CLN3: variants seen among roughly 807,000 people sequenced by gnomAD.
CLN3 encodes battenin.
In CLN3, 49 loss-of-function variants were observed where a neutral mutation model predicts 60.7. The observed-to-expected ratio is 0.81, with a 90% CI of 0.64 to 1.02. CLN3 has a LOEUF of 1.02. Among genes scored for constraint, CLN3 ranks in the 50% least tolerant of loss-of-function variants. CLN3 has a pLI of 0.00. For missense variants in CLN3, 516 were observed against 557.4 expected, an observed-to-expected ratio of 0.93 and a Z score of 0.75; for synonymous variants, 256 against 245.8, an observed-to-expected ratio of 1.04 and a Z score of -0.39.
chr16:28,484,233 G>A, intron 9 of CLN3, 115 bp from the exon 10 acceptor site: 1 of 757,962 alleles, frequency 1.3e-6, no homozygotes. Context: ...TTTCAAAGAT[G>A]GGTAGCTCAC....
In CLN3 at chr16:28,477,416, G is replaced by A. The variant is rs1257454782; in HGVS notation, c.*100C>T. 1 of 1,529,074 alleles carries A rather than the reference G, an allele frequency of 6.5e-7. No individual in the cohort carries two copies. The highest frequency in any genetic ancestry group is 1.4e-5 in the African/African-American group (1 of 73,276). The allele number at this position is 1,529,074 out of a possible 1,614,324, so 94.7% of individuals were successfully genotyped here. On this transcript the variant is annotated 3_prime_UTR_variant, in exon 16 of 16. Transcript: ENST00000636147. ...TACTCCCAGACCTGCCGGGAAGGCT[G>A]GGAGCACAGTTCATGGAGGGTCTCT...
intron 7 of CLN3, 126 bp from the exon 8 acceptor site, chr16:28,486,776 GC>G: frequency 1.1e-6 from 1 of 924,720 alleles, no homozygotes; most frequent in Non-Finnish European, 1.7e-6. Context: ...CCATGCATAG[GC>G]CAGGTTCCAG....
intron 9 of CLN3, 150 bp from the exon 10 acceptor site, chr16:28,484,268 C>T (rs1488457293): frequency 2.4e-5 from 16 of 677,334 alleles, no homozygotes; most frequent in African/African-American, 1.8e-4. Context: ...CTACGCTGTG[C>T]GGGAGAGCTC....
intron 3 of CLN3, 141 bp from the exon 4 acceptor site, chr16:28,489,527 A>G (rs1354547473): frequency 4.3e-6 from 3 of 705,520 alleles, no homozygotes; most frequent in Non-Finnish European, 7.8e-6. Flanking sequence ...TCCTCATTCA[A>G]TGTTGGGGTC....
chr16:28,484,201 G>C (rs994476278), intron 9 of CLN3, 83 bp from the exon 10 acceptor site: 1 of 940,728 alleles, frequency 1.1e-6, no homozygotes, highest in African/African-American at 1.6e-5. Context: ...TTTTCCCAGG[G>C]AACACCTCTA....
At chr16:28,469,981 A>G (rs866546881), downstream of CLN3, among the ~76,000 whole-genome samples, 1 of 142,516 alleles carries the variant, frequency 7.0e-6, no homozygotes, top group Non-Finnish European at 1.5e-5. Flanking sequence ...AAAAAAAAAA[A>G]AAAAAAAGTC....
chr16:28,473,538 A>C (rs2141689387), downstream of CLN3, among the ~76,000 whole-genome samples: 1 of 152,310 alleles, frequency 6.6e-6, no homozygotes, highest in South Asian at 2.1e-4. Context: ...TCCCACTTAG[A>C]TATGTTACCA....
In CLN3 at chr16:28,477,930, G is replaced by C. The variant is rs996845265; in HGVS notation, c.1057-53C>G. 4 of 1,602,386 alleles carry C rather than the reference G, an allele frequency of 2.5e-6. No individual in the cohort carries two copies. The East Asian group carries it at 9.0e-5, about 36-fold the overall frequency. On this transcript the variant is annotated intron_variant, in intron 14 of 15. Coordinates refer to ENST00000636147, the MANE Select transcript of CLN3 (RefSeq NM_001042432.2). ...GGGACCAGGGCGGGGCAGGGAAGGA[G>C]AGGTGGCCTCCCCTCCAGGGGTCCC...
intron 14 of CLN3, among the ~76,000 whole-genome samples, chr16:28,480,289 A>G (rs924877095): frequency 1.3e-5 from 2 of 151,756 alleles, no homozygotes; most frequent in African/African-American, 4.8e-5. Flanking sequence ...CCTGGCTTCG[A>G]GTGATCCTCC....
chr16:28,484,151 C>T, intron 9 of CLN3, 33 bp from the exon 10 acceptor site: 1 of 1,534,650 alleles, frequency 6.5e-7, no homozygotes, highest in Non-Finnish European at 8.9e-7. Context: ...GTCAGAAAAC[C>T]CTACTGGCTG....
At chr16:28,488,054 ATT>A in intron 5 of CLN3, 1 of 291,508 alleles carries the variant, frequency 3.4e-6, no homozygotes, top group Non-Finnish European at 6.7e-6. Flanking sequence ...ATATATATAT[ATT>A]TTGAGAGTGA....
intron 14 of CLN3, among the ~76,000 whole-genome samples, chr16:28,481,859 C>T (rs1393534369): frequency 6.6e-5 from 10 of 151,766 alleles, no homozygotes; most frequent in Admixed American, 5.3e-4. Flanking sequence ...TGGTGGCGGG[C>T]GCCTGTAATC....
At chr16:28,486,703 C>G in intron 7 of CLN3, 53 bp from the exon 8 acceptor site, 7 of 1,531,224 alleles carry the variant, frequency 4.6e-6, no homozygotes, top group Non-Finnish European at 6.2e-6. Flanking sequence ...CCACACTGCC[C>G]AGGCCTCTAA....
chr16:28,489,417 T>A (rs2046276973), intron 3 of CLN3, 31 bp from the exon 4 acceptor site: 3 of 1,487,060 alleles, frequency 2.0e-6, no homozygotes, highest in Non-Finnish European at 2.8e-6. Flanking sequence ...CTCAACTCCC[T>A]CCTCATCCTG....
At chr16:28,483,778 A>G (rs2046151817) in intron 10 of CLN3, among the ~76,000 whole-genome samples, 1 of 132,564 alleles carries the variant, frequency 7.5e-6, no homozygotes, top group Non-Finnish European at 1.5e-5. Flanking sequence ...CTGGACTCAG[A>G]CTTCTGAGCT....
downstream of CLN3, among the ~76,000 whole-genome samples, chr16:28,469,325 A>G: frequency 1.5e-5 from 1 of 67,632 alleles, no homozygotes; most frequent in Non-Finnish European, 3.6e-5. Flanking sequence ...TTGGCTGGGC[A>G]CGGTGGTTCA....
chr16:28,486,748 T>C (rs1596562119), intron 7 of CLN3, 98 bp from the exon 8 acceptor site: 6 of 1,171,150 alleles, frequency 5.1e-6, no homozygotes, highest in South Asian at 1.3e-5. Flanking sequence ...TATCAGCTCA[T>C]AGAGGCTCCA....
At chr16:28,485,172 T>G (rs1040101081) in intron 9 of CLN3, among the ~76,000 whole-genome samples, 3 of 148,840 alleles carry the variant, frequency 2.0e-5, no homozygotes, top group Non-Finnish European at 4.5e-5. Context: ...CTCAAACTCC[T>G]GACCTCGTGG....
downstream of CLN3, among the ~76,000 whole-genome samples, chr16:28,471,756 C>T (rs1182855503): frequency 1.4e-4 from 20 of 143,016 alleles, no homozygotes; most frequent in East Asian, 8.1e-4. Flanking sequence ...CATCCGAAAC[C>T]GAGTGATGAT....
Sources: allele counts gnomAD v4.1 joint callset (sites outside exome capture counted in the v4.1 genomes callset), GRCh38; gene constraint gnomAD v4.1.1; transcripts MANE v1.5; gene names NCBI Gene and HGNC (gene_info 2026-07-23, HGNC 2026-07-21).